Variants in ISOC2 observed in about 807,000 individuals in gnomAD.
ISOC2 encodes isochorismatase domain containing 2, also known as isochorismatase domain-containing protein 2.
Under a neutral mutation model 19.3 loss-of-function variants are expected in ISOC2, and 15 were observed. The ratio of observed to expected loss-of-function variants is 0.78; its 90% CI spans 0.52 to 1.20. The LOEUF is 1.20. Ranked by LOEUF, ISOC2 falls within the 50% of genes most tolerant of loss-of-function variation. The pLI is 0.00. For synonymous variants in ISOC2, 106 were observed against 115.8 expected, an observed-to-expected ratio of 0.92 and a Z score of 0.54; for missense variants, 285 against 272.4, an observed-to-expected ratio of 1.05 and a Z score of -0.33.
At chr19:55,453,634 T>G (rs1985945915) in intron 5 of ISOC2, 4 of 355,066 alleles carry the variant, frequency 1.1e-5, no homozygotes, top group African/African-American at 8.5e-5. Context: ...GGTGGACAGC[T>G]CTGTGCTGGG....
chr19:55,455,400 G>A lies in ISOC2; in HGVS notation c.349-70C>T, dbSNP rs148693560. 6.3e-6 allele frequency: 10 copies of A among 1,587,752 alleles called. No homozygotes were observed. The East Asian group carries it at 1.3e-4, about 21-fold the overall frequency. ...GGTCCTGGGTAAGGAATTGGGGATGGTGAGTCAGAATTAGGGGCCCAGAAT... is the reference window on the plus strand; with the variant it reads ...GGTCCTGGGTAAGGAATTGGGGATGATGAGTCAGAATTAGGGGCCCAGAAT... On this transcript the variant is annotated intron_variant, in intron 3 of 5. Transcript: ENST00000425675.
Position 55,453,151 on chromosome 19 carries a change from C to A in ISOC2, c.*157G>T. ...GGAGTCTCATTTGCATTTCCGGGAG[C>A]AGCTGTCCAATGGGAAGGCAGCACC... On this transcript the variant is annotated 3_prime_UTR_variant, in exon 6 of 6. Coordinates refer to ENST00000425675, the MANE Select transcript of ISOC2 (RefSeq NM_001136201.2). 2 of 529,168 alleles carry A rather than the reference C, an allele frequency of 3.8e-6. No homozygotes were observed. Among genetic ancestry groups the A allele is most frequent in the Non-Finnish European group, 6.7e-6 (2 of 297,256 alleles). The allele number at this position is 529,168 out of a possible 1,614,324, so 32.8% of individuals were successfully genotyped here. A position where few individuals can be genotyped will look rare whatever the true frequency, so the allele number is the denominator to read the frequency against.
At chr19:55,457,963 T>C (rs1159648705) in intron 1 of ISOC2, among the ~76,000 whole-genome samples, 4 of 150,316 alleles carry the variant, frequency 2.7e-5, no homozygotes, top group East Asian at 3.9e-4. Flanking sequence ...GACTTGGTGG[T>C]GGCGGCTGCA....
intron 5 of ISOC2, 158 bp downstream of exon 5, chr19:55,454,831 A>G: frequency 3.0e-6 from 2 of 663,930 alleles, no homozygotes; most frequent in Admixed American, 2.3e-5. Flanking sequence ...GGCTCCTTTC[A>G]TGGATTTATG....
intron 1 of ISOC2, chr19:55,460,010 A>G (rs1446515382): frequency 6.6e-6 from 1 of 152,220 alleles, no homozygotes; most frequent in Non-Finnish European, 1.5e-5. Flanking sequence ...ATTTCTCAAA[A>G]TGATGGATAC....
chr19:55,457,567 G>A (rs950017017), intron 1 of ISOC2, among the ~76,000 whole-genome samples: 4 of 151,720 alleles, frequency 2.6e-5, no homozygotes, highest in African/African-American at 7.3e-5. Flanking sequence ...GGTGGCACAC[G>A]CCTGTAATCC....
Position 55,455,304 on chromosome 19 carries a change from C to T in ISOC2, c.375G>A (p.Arg125=). 6.2e-7 allele frequency: 1 copy of T among 1,613,954 alleles called. No individual in the cohort carries two copies. Among genetic ancestry groups the T allele is most frequent in the Non-Finnish European group, 8.5e-7 (1 of 1,179,930 alleles). The part of the protein sequence containing the change: ...ILNTTLDLLD[R]GLQVHVVVDA... The stretch of plus-strand genomic sequence containing the variant: ...CCACCACCACATGGACCTGCAGCCC[C>T]CGGTCTAGGAGGTCCAGGGTCGTGT... The change falls in exon 4 of 6, where the codon CGG becomes CGA. Residue 125 remains arginine (R), a synonymous_variant. Coordinates refer to ENST00000425675, the MANE Select transcript of ISOC2 (RefSeq NM_001136201.2).
At chr19:55,455,614 C>A in intron 3 of ISOC2, 22 bp downstream of exon 3, 1 of 1,558,158 alleles carries the variant, frequency 6.4e-7, no homozygotes, top group East Asian at 2.3e-5. Context: ...CGAGGGACCC[C>A]TGGGGTCAGT....
At chr19:55,458,769 A>G (rs994262777) in intron 1 of ISOC2, among the ~76,000 whole-genome samples, 1 of 151,254 alleles carries the variant, frequency 6.6e-6, no homozygotes, top group Non-Finnish European at 1.5e-5. Context: ...CTCGTGATCC[A>G]CCCGCCTCAG....
intron 2 of ISOC2, 40 bp downstream of exon 2, chr19:55,456,309 C>A: frequency 6.4e-7 from 1 of 1,559,234 alleles, no homozygotes; most frequent in South Asian, 1.1e-5. Context: ...GAGGGCTGAG[C>A]CTGGATCCTG....
chr19:55,457,826 C>G, intron 1 of ISOC2, among the ~76,000 whole-genome samples: 1 of 98,640 alleles, frequency 1.0e-5, no homozygotes, highest in South Asian at 3.3e-4. Context: ...AGCAAAACTC[C>G]ATCTCAAAAA....
Position 55,453,272 on chromosome 19 carries a change from C to A in ISOC2, c.*36G>T. 1 of 1,512,598 alleles carries A rather than the reference C, an allele frequency of 6.6e-7. No individual in the cohort carries two copies. The allele number at this position is 1,512,598 out of a possible 1,614,324, so 93.7% of individuals were successfully genotyped here. ...CGGGCTTCCACTGAGGTCCGGGTGA[C>A]AGGAGGGTGGTCTTCCCTCAAGGCA... On this transcript the variant is annotated 3_prime_UTR_variant, in exon 6 of 6. Transcript: ENST00000425675.
rs1474232367 is a variant in ISOC2 at position 55,461,497 on chromosome 19, CGA to C, written c.-4+13_-4+14del. On this transcript the variant is annotated intron_variant, in intron 1 of 5. Transcript: ENST00000425675. Reference sequence around the variant, plus strand: ...GTCGGTCTCCAAATAGCGCCAGCAGCGAGAGAGGACTTACCCGGAAGGTGCCG... The same window carrying C: ...GTCGGTCTCCAAATAGCGCCAGCAGCGAGAGGACTTACCCGGAAGGTGCCG... 2 of 152,196 alleles carry C rather than the reference CGA, an allele frequency of 1.3e-5. No individual in the cohort carries two copies. Among genetic ancestry groups the C allele is most frequent in the Non-Finnish European group, 2.9e-5 (2 of 68,066 alleles). 9.4% of individuals were successfully genotyped at this position (152,196 alleles called of 1,614,324 possible).
At chr19:55,455,501 G>A (rs1986021493) in intron 3 of ISOC2, 135 bp downstream of exon 3, 2 of 1,106,452 alleles carry the variant, frequency 1.8e-6, no homozygotes, top group Non-Finnish European at 2.6e-6. Flanking sequence ...GGGGCCCACA[G>A]GTGAGGAGAG....
rs1986067646 is a variant in ISOC2, at chr19:55,456,500, G to A, written c.-3-11C>T. 1 of 1,613,292 alleles carries A rather than the reference G, an allele frequency of 6.2e-7. No individual in the cohort carries two copies. Among genetic ancestry groups the A allele is most frequent in the Non-Finnish European group, 8.5e-7 (1 of 1,179,642 alleles). On this transcript the variant is annotated splice_polypyrimidine_tract_variant and intron_variant, in intron 1 of 5. Coordinates refer to ENST00000425675, the MANE Select transcript of ISOC2 (RefSeq NM_001136201.2). ...GGCAGCCGCCATTTTCTGGGGGTGG[G>A]CAGAGGGACGGTGGGTCAGGCCCGA...
Position 55,455,812 on chromosome 19 carries a change from T to C in ISOC2, c.172A>G (p.Thr58Ala). ...CCCAGGCCTTGTGGGTACTGCTCCG[T>C]CAGCATGACTGGCACCTCAAGCAGC... ...ARLLEVPVML[T>A]EQYPQGLGPT... The change falls in exon 3 of 6, where the codon ACG (threonine) becomes GCG (alanine). Residue 58 changes from threonine to alanine, a missense_variant. Transcript: ENST00000425675. 1 of 1,551,932 alleles carries C rather than the reference T, an allele frequency of 6.4e-7. No individual in the cohort carries two copies. The highest frequency in any genetic ancestry group is 8.7e-7 in the Non-Finnish European group (1 of 1,146,972).
Position 55,453,199 on chromosome 19 carries a change from G to C in ISOC2, c.*109C>G. Reference sequence around the variant, plus strand: ...ACCCTGCCCCCCCCACAAGGGGGCGGCACTCCTGGTGGATCGCACCACTCT... The same window carrying C: ...ACCCTGCCCCCCCCACAAGGGGGCGCCACTCCTGGTGGATCGCACCACTCT... On this transcript the variant is annotated 3_prime_UTR_variant, in exon 6 of 6. Coordinates refer to ENST00000425675, the MANE Select transcript of ISOC2 (RefSeq NM_001136201.2). 2 of 694,486 alleles carry C rather than the reference G, an allele frequency of 2.9e-6. No homozygotes were observed. Among genetic ancestry groups the C allele is most frequent in the Non-Finnish European group, 4.6e-6 (2 of 434,186 alleles). The allele number at this position is 694,486 out of a possible 1,614,324, so 43.0% of individuals were successfully genotyped here. A position where few individuals can be genotyped will look rare whatever the true frequency, so the allele number is the denominator to read the frequency against.
At chr19:55,459,149 C>G (rs1056415603) in intron 1 of ISOC2, among the ~76,000 whole-genome samples, 32 of 151,914 alleles carry the variant, frequency 2.1e-4, no homozygotes, top group African/African-American at 7.7e-4. Context: ...GTTGCCCAGG[C>G]TGGTCTCGAA....
intron 1 of ISOC2, among the ~76,000 whole-genome samples, chr19:55,459,222 C>A (rs73057144): frequency 0.13 from 19,660 of 152,258 alleles, 1,690 homozygotes; most frequent in Non-Finnish European, 0.2. Flanking sequence ...CAAGCGTGAG[C>A]CACCGCGCCT....
Sources: gnomAD v4.1 joint callset for allele counts (sites outside exome capture counted in the v4.1 genomes callset) on GRCh38, gnomAD v4.1.1 for gene constraint, MANE v1.5 for transcripts, NCBI Gene and HGNC (gene_info 2026-07-23, HGNC 2026-07-21) for gene names.